The following HIPK2 variants were observed in gnomAD, a reference collection of about 807,000 sequenced individuals.
HIPK2 encodes the protein homeodomain interacting protein kinase 2, also known as homeodomain-interacting protein kinase 2.
In HIPK2, 27 loss-of-function variants were observed where a neutral mutation model predicts 113.7. That is an observed-to-expected ratio of 0.24 (90% CI 0.17 to 0.33). The LOEUF (loss-of-function observed/expected upper bound fraction) is 0.33. HIPK2 is among the 10% of genes least tolerant of loss of function. The probability of loss-of-function intolerance (pLI) is 1.00; values close to 1 mark genes in which losing one functional copy is unlikely to be tolerated. For missense variants in HIPK2, 1,257 were observed against 1,588.0 expected (o/e 0.79, Z 3.54); for synonymous variants, 631 against 642.2 (o/e 0.98, Z 0.26).
chr7:139,770,738 G>C (rs982208668), intron 1 of HIPK2, among the ~76,000 whole-genome samples: 1 of 152,196 alleles, frequency 6.6e-6, no homozygotes, highest in African/African-American at 2.4e-5. Context: ...AACACATGCA[G>C]AAGAATTGAT....
chr7:139,685,857 T>C (rs1223694906), intron 2 of HIPK2, among the ~76,000 whole-genome samples: 3 of 152,354 alleles, frequency 2.0e-5, no homozygotes, highest in East Asian at 3.9e-4. Flanking sequence ...GGATCTCTGA[T>C]GGAGATGTAC....
intron 14 of HIPK2, among the ~76,000 whole-genome samples, chr7:139,573,947 T>C (rs997425416): frequency 2.6e-5 from 4 of 152,090 alleles, no homozygotes; most frequent in African/African-American, 7.2e-5. Flanking sequence ...TGCAAAGTTA[T>C]AGGAGAACAT....
In HIPK2 at chr7:139,631,615, G is replaced by C; in HGVS notation, c.1214C>G (p.Ser405Trp). The C allele has an allele frequency of 1.2e-6, 2 of 1,613,862 alleles. No individual in the cohort carries two copies. Among genetic ancestry groups the C allele is most frequent in the Non-Finnish European group, 8.5e-7 (1 of 1,179,840 alleles). Residue 405 changes from serine (S) to tryptophan (W), a missense_variant, in exon 3 of 15, where the codon TCG becomes TGG. Physicochemically the swap from Ser to Trp is radical, Grantham distance 177. This residue lies in a region of HIPK2 where 84 missense variants were observed against 182.2 expected (regional missense o/e 0.46). Coordinates refer to ENST00000406875, the MANE Select transcript of HIPK2 (RefSeq NM_022740.5). The surrounding 1 kb of genome is among the most constrained non-coding windows in gnomAD (Gnocchi z 4.9). ...ATCTGGACCCACCTGATCATACTCC[G>C]AAGCTCCTGGATATAACGGCCAACC... ...FLGWPLYPGA[S>W]EYDQIRYISQ...
intron 1 of HIPK2, among the ~76,000 whole-genome samples, chr7:139,725,771 A>G (rs1795557584): frequency 6.6e-6 from 1 of 152,196 alleles, no homozygotes; most frequent in Non-Finnish European, 1.5e-5. Flanking sequence ...CAACAAAACT[A>G]CAGTGTTTCC....
chr7:139,590,411 A>G (rs1246375488), intron 12 of HIPK2, among the ~76,000 whole-genome samples: 1 of 152,210 alleles, frequency 6.6e-6, no homozygotes, highest in African/African-American at 2.4e-5. Context: ...AAGATCAGAT[A>G]TAACCTGTGA....
At chr7:139,680,582 C>G (rs2116705041) in intron 2 of HIPK2, among the ~76,000 whole-genome samples, 1 of 152,308 alleles carries the variant, frequency 6.6e-6, no homozygotes, top group African/African-American at 2.4e-5. Context: ...ACAAAGTAAC[C>G]AGGGATTGTG....
chr7:139,647,934 C>G (rs1053376365), intron 2 of HIPK2, among the ~76,000 whole-genome samples: 2 of 152,210 alleles, frequency 1.3e-5, no homozygotes, highest in Non-Finnish European at 2.9e-5. Flanking sequence ...GTAAGTAGGT[C>G]TTTGTATGGT....
chr7:139,575,025 C>A, intron 14 of HIPK2, 103 bp downstream of exon 14: 4 of 1,416,624 alleles, frequency 2.8e-6, no homozygotes, highest in Non-Finnish European at 2.8e-6. Flanking sequence ...AGGACTGCAG[C>A]CCTGTGAGGT....
chr7:139,615,948 G>A (rs1445845453), intron 7 of HIPK2, among the ~76,000 whole-genome samples: 1 of 151,990 alleles, frequency 6.6e-6, no homozygotes, highest in Non-Finnish European at 1.5e-5. Context: ...GGGCATCAGT[G>A]TCTGTGTTTT....
intron 11 of HIPK2, among the ~76,000 whole-genome samples, chr7:139,597,894 G>T (rs1011473138): frequency 6.6e-6 from 1 of 152,056 alleles, no homozygotes; most frequent in East Asian, 1.9e-4. Flanking sequence ...TGAAATGCTT[G>T]GTCCAGAAGT....
At chr7:139,684,965 C>T (rs1001139739) in intron 2 of HIPK2, among the ~76,000 whole-genome samples, 3 of 152,204 alleles carry the variant, frequency 2.0e-5, no homozygotes, top group East Asian at 1.9e-4. Context: ...CCTAACTCTT[C>T]AATTCTGTGG....
In HIPK2 at chr7:139,777,661, G is replaced by C. The variant is rs888444475; in HGVS notation, c.-38C>G. On this transcript the variant is annotated 5_prime_UTR_variant, in exon 1 of 15. Coordinates refer to ENST00000406875, the MANE Select transcript of HIPK2 (RefSeq NM_022740.5). Reference sequence around the variant, plus strand: ...GTCCGCGGTTCATGGCAACGGGGACGGGAAAGCGGCGCGCGAGCTCGGCCC... The same window carrying C: ...GTCCGCGGTTCATGGCAACGGGGACCGGAAAGCGGCGCGCGAGCTCGGCCC... 2.7e-6 allele frequency: 3 copies of C among 1,100,082 alleles called. No individual in the cohort carries two copies. Among genetic ancestry groups the C allele is most frequent in the Non-Finnish European group, 3.3e-6 (3 of 902,034 alleles). The allele number at this position is 1,100,082 out of a possible 1,614,324, so 68.1% of individuals were successfully genotyped here.
intron 4 of HIPK2, among the ~76,000 whole-genome samples, chr7:139,629,839 A>G (rs1800551182): frequency 6.6e-6 from 1 of 151,286 alleles, no homozygotes; most frequent in Non-Finnish European, 1.5e-5. Context: ...ACAACAGCAA[A>G]CTCCAGCCTC....
chr7:139,721,744 G>T (rs1413264473), intron 1 of HIPK2, among the ~76,000 whole-genome samples: 2 of 152,034 alleles, frequency 1.3e-5, no homozygotes, highest in Non-Finnish European at 2.9e-5. Context: ...ACTCCTTCTA[G>T]GTGAGAGACC....
chr7:139,746,715 C>T (rs1008330231), intron 1 of HIPK2, among the ~76,000 whole-genome samples: 1 of 152,194 alleles, frequency 6.6e-6, no homozygotes, highest in Non-Finnish European at 1.5e-5. Context: ...CTCCTGCCCT[C>T]CAATTCAATG....
At chr7:139,711,366 T>G (rs1795063693) in intron 2 of HIPK2, among the ~76,000 whole-genome samples, 1 of 152,022 alleles carries the variant, frequency 6.6e-6, no homozygotes, top group South Asian at 2.1e-4. Context: ...AGGCGGAGTT[T>G]GCAGTGAGTC....
At chr7:139,726,376 G>A (rs1297675655) in intron 1 of HIPK2, among the ~76,000 whole-genome samples, 1 of 152,140 alleles carries the variant, frequency 6.6e-6, no homozygotes, top group Non-Finnish European at 1.5e-5. Context: ...GAGACATGCT[G>A]ACAGATGAGA....
Position 139,716,073 on chromosome 7 carries a change from A to G in HIPK2, c.962T>C (p.Ile321Thr). 6.2e-7 allele frequency: 1 copy of G among 1,614,150 alleles called. No individual in the cohort carries two copies. Among genetic ancestry groups the G allele is most frequent in the Non-Finnish European group, 8.5e-7 (1 of 1,179,984 alleles). The change falls in exon 2 of 15, where the codon ATC becomes ACC. Residue 321 changes from isoleucine to threonine, a missense_variant. This residue lies in a region of HIPK2 where 84 missense variants were observed against 182.2 expected (regional missense o/e 0.46). Coordinates refer to ENST00000406875, the MANE Select transcript of HIPK2 (RefSeq NM_022740.5). This position sits in a 1 kb window ranked among gnomAD's most constrained non-coding sequence, Gnocchi z 9.3. Reference protein sequence around the residue: ...ALMKLKSLGLIHADLKPENIM... With the variant: ...ALMKLKSLGLTHADLKPENIM... The stretch of plus-strand genomic sequence containing the variant: ...GTTTTCTGGTTTGAGGTCAGCGTGG[A>G]TAAGACCTAGGCTTTTGAGTTTCAT...
At chr7:139,740,583 G>A (rs1325769648) in intron 1 of HIPK2, among the ~76,000 whole-genome samples, 3 of 152,230 alleles carry the variant, frequency 2.0e-5, no homozygotes, top group Admixed American at 2.0e-4. Context: ...AAGACCCGGA[G>A]GGAGTGAGGA....
Sources: allele counts gnomAD v4.1 joint callset (sites outside exome capture counted in the v4.1 genomes callset), GRCh38; gene constraint gnomAD v4.1.1; regional missense constraint gnomAD v4.1.1; non-coding constraint Gnocchi (gnomAD v3.1); transcripts MANE v1.5; gene names NCBI Gene and HGNC (gene_info 2026-07-23, HGNC 2026-07-21).